GRIP1: variants seen among roughly 807,000 people sequenced by gnomAD.
The protein encoded by GRIP1 is glutamate receptor interacting protein 1, also known as glutamate receptor-interacting protein 1.
Under a neutral mutation model 129.9 loss-of-function variants are expected in GRIP1, and 45 were observed. The ratio of observed to expected loss-of-function variants is 0.35; its 90% confidence interval spans 0.27 to 0.44. The LOEUF (loss-of-function observed/expected upper bound fraction) is 0.44, where lower values mean the gene tolerates loss of function less well. Among genes scored for constraint, GRIP1 ranks in the 20% least tolerant of loss-of-function variants. The pLI, the probability that GRIP1 is intolerant of heterozygous loss-of-function variation, is 1.00. For missense variants in GRIP1, 1,196 were observed against 1,396.8 expected, an observed-to-expected ratio of 0.86 and a Z score of 2.29; for synonymous variants, 530 against 520.8, an observed-to-expected ratio of 1.02 and a Z score of -0.24.
chr12:66,965,549 TTGTGTGTGTGTGTGTG>T (rs368637185), intron 1 of GRIP1, among the ~76,000 whole-genome samples: 55 of 128,324 alleles, frequency 4.3e-4, no homozygotes, highest in African/African-American at 7.7e-4. Flanking sequence ...AAAAGAAACA[TTGTGTGTGTGTGTGTG>T]TGTGTGTGTG....
chr12:66,605,685 T>C (rs2064491141), intron 1 of GRIP1, among the ~76,000 whole-genome samples: 1 of 152,212 alleles, frequency 6.6e-6, no homozygotes, highest in Non-Finnish European at 1.5e-5. Flanking sequence ...CTTTAAAACC[T>C]GGTTCAGTGG....
chr12:66,533,642 T>C (rs904424431), intron 4 of GRIP1, among the ~76,000 whole-genome samples: 6 of 152,000 alleles, frequency 3.9e-5, no homozygotes, highest in African/African-American at 1.4e-4. Flanking sequence ...CGAAACTCCA[T>C]CTCAAAACAA....
intron 1 of GRIP1, among the ~76,000 whole-genome samples, chr12:66,978,452 T>C (rs2042188369): frequency 1.3e-5 from 2 of 152,168 alleles, no homozygotes; most frequent in African/African-American, 2.4e-5. Context: ...TTTTTGACCA[T>C]ATAATTTGAA....
intron 7 of GRIP1, among the ~76,000 whole-genome samples, chr12:66,490,663 C>T (rs951323756): frequency 2.0e-5 from 3 of 152,078 alleles, no homozygotes; most frequent in Non-Finnish European, 4.4e-5. Context: ...AAGCTATCAT[C>T]AGAGTGAAAA....
chr12:66,939,802 A>G (rs1393382481), intron 1 of GRIP1, among the ~76,000 whole-genome samples: 1 of 152,198 alleles, frequency 6.6e-6, no homozygotes, highest in Non-Finnish European at 1.5e-5. Flanking sequence ...AACTGTAACT[A>G]TACTTCATTC....
chr12:67,049,151 G>A (rs180763252), intron 1 of GRIP1, among the ~76,000 whole-genome samples: 84 of 152,078 alleles, frequency 5.5e-4, no homozygotes, highest in African/African-American at 2.0e-3. Flanking sequence ...GAACATACGT[G>A]GGATCATATA....
chr12:66,796,899 TAATTTCTA>T (rs1339835663), intron 1 of GRIP1, among the ~76,000 whole-genome samples: 1 of 152,184 alleles, frequency 6.6e-6, no homozygotes, highest in Non-Finnish European at 1.5e-5. Flanking sequence ...CCAGTTCAAA[TAATTTCTA>T]AAACAGAGGT....
At chr12:66,602,940 C>T (rs543634282) in intron 1 of GRIP1, among the ~76,000 whole-genome samples, 22 of 143,814 alleles carry the variant, frequency 1.5e-4, no homozygotes, top group Non-Finnish European at 3.1e-4. Context: ...CTCACTGCAG[C>T]CTCAAACTCC....
rs113296708 is a variant in GRIP1 at position 66,678,426 on chromosome 12, T to G, written c.55+424A>C. ...AAAGTCATAGAACAAACAATTATTC[T>G]GTGGATCCACCAGCTGTGCGAGTCC... On this transcript the variant is annotated intron_variant, in intron 1 of 24. Transcript: ENST00000359742. Among the ~76,000 whole-genome samples the G allele has an allele frequency of 7.1e-3, 1,085 of 152,276 alleles. 7 individuals are homozygous for G. The highest frequency in any genetic ancestry group is 0.025 in the African/African-American group (1,020 of 41,558).
intron 1 of GRIP1, among the ~76,000 whole-genome samples, chr12:66,836,293 C>T (rs919500703): frequency 1.3e-5 from 2 of 152,162 alleles, no homozygotes; most frequent in Non-Finnish European, 2.9e-5. Context: ...ACCTCACAAC[C>T]TCATCTCCCT....
intron 1 of GRIP1, among the ~76,000 whole-genome samples, chr12:66,861,662 G>A (rs1211606166): frequency 4.6e-5 from 7 of 152,070 alleles, no homozygotes; most frequent in African/African-American, 1.4e-4. Flanking sequence ...AAGTTTACAT[G>A]AGTATTGTCT....
chr12:66,946,228 A>G (rs1013486188), intron 1 of GRIP1, among the ~76,000 whole-genome samples: 3 of 152,150 alleles, frequency 2.0e-5, no homozygotes, highest in Non-Finnish European at 4.4e-5. Flanking sequence ...AGAATGTGCA[A>G]GAAAATTCTA....
At chr12:66,694,396 A>G (rs543353795) in intron 1 of GRIP1, among the ~76,000 whole-genome samples, 1 of 152,300 alleles carries the variant, frequency 6.6e-6, no homozygotes, top group African/African-American at 2.4e-5. Flanking sequence ...GAGAGTTTCC[A>G]CATATCCTTT....
At chr12:66,463,976 T>C (rs532615158) in intron 8 of GRIP1, among the ~76,000 whole-genome samples, 1 of 152,216 alleles carries the variant, frequency 6.6e-6, no homozygotes, top group African/African-American at 2.4e-5. Context: ...GGACTGAATG[T>C]TGGGTAAGAC....
At chr12:66,570,429 G>C (rs2062921411) in intron 2 of GRIP1, among the ~76,000 whole-genome samples, 1 of 152,120 alleles carries the variant, frequency 6.6e-6, no homozygotes, top group Admixed American at 6.5e-5. Flanking sequence ...AATTCTTCCA[G>C]AGAAGATAGA....
intron 1 of GRIP1, among the ~76,000 whole-genome samples, chr12:67,035,160 C>A (rs1302363429): frequency 6.6e-6 from 1 of 152,176 alleles, no homozygotes; most frequent in East Asian, 1.9e-4. Context: ...TTCTGTTGTA[C>A]TTTTGTCTGA....
intron 11 of GRIP1, among the ~76,000 whole-genome samples, chr12:66,446,882 C>A (rs540625418): frequency 5.9e-5 from 9 of 152,290 alleles, no homozygotes; most frequent in African/African-American, 2.2e-4. Flanking sequence ...ATATCTGAAT[C>A]CCCCTTGTTG....
intron 1 of GRIP1, among the ~76,000 whole-genome samples, chr12:66,731,932 G>T (rs953785224): frequency 4.6e-5 from 7 of 152,140 alleles, no homozygotes; most frequent in African/African-American, 1.7e-4. Flanking sequence ...ATTTGTAGTA[G>T]ATTTTAGATT....
intron 23 of GRIP1, among the ~76,000 whole-genome samples, chr12:66,364,526 T>G (rs957909026): frequency 6.6e-6 from 1 of 151,996 alleles, no homozygotes; most frequent in African/African-American, 2.4e-5. Flanking sequence ...TCAGTTGAAT[T>G]TCACCCCAAC....
Sources: allele counts gnomAD v4.1 joint callset (sites outside exome capture counted in the v4.1 genomes callset), GRCh38; gene constraint gnomAD v4.1.1; transcripts MANE v1.5; gene names NCBI Gene and HGNC (gene_info 2026-07-23, HGNC 2026-07-21).